The following HNRNPLL variants were observed in gnomAD, a reference collection of about 807,000 sequenced individuals.
The protein encoded by HNRNPLL is heterogeneous nuclear ribonucleoprotein L like.
In HNRNPLL, 25 loss-of-function variants were observed where a neutral mutation model predicts 67.1. That is an observed-to-expected ratio of 0.37 (90% CI 0.27 to 0.52). The LOEUF is 0.52. HNRNPLL is among the 20% of genes least tolerant of loss of function. The pLI, the probability that HNRNPLL is intolerant of heterozygous loss-of-function variation, is 0.90. For missense variants in HNRNPLL, 542 were observed against 673.9 expected (o/e 0.80, Z 2.17); for synonymous variants, 267 against 241.7 (o/e 1.10, Z -0.97).
chr2:38,566,498 A>G lies in HNRNPLL; in HGVS notation c.1573+1701T>C, dbSNP rs913494041. On this transcript the variant is annotated intron_variant, in intron 12 of 12. Transcript: ENST00000449105. ...CCAAATACCATTTTTCATCTATCATACTGGTAAAAATTGAATATCTGACAA... is the reference window on the plus strand; with the variant it reads ...CCAAATACCATTTTTCATCTATCATGCTGGTAAAAATTGAATATCTGACAA... Among the ~76,000 whole-genome samples the G allele has an allele frequency of 1.2e-4, 18 of 152,106 alleles. 1 individual carries two copies. The highest frequency in any genetic ancestry group is 4.3e-4 in the African/African-American group (18 of 41,416).
At chr2:38,577,813 C>A in intron 6 of HNRNPLL, 1 of 453,528 alleles carries the variant, frequency 2.2e-6, no homozygotes. Flanking sequence ...GGATACTTTT[C>A]AGAAAGTGAA....
chr2:38,565,158 C>T (rs943201231), intron 12 of HNRNPLL, among the ~76,000 whole-genome samples: 1 of 151,954 alleles, frequency 6.6e-6, no homozygotes, highest in African/African-American at 2.4e-5. Flanking sequence ...TAATGTATCA[C>T]AATTTTAGTA....
chr2:38,569,603 A>T (rs1665993016), intron 9 of HNRNPLL, among the ~76,000 whole-genome samples: 1 of 152,158 alleles, frequency 6.6e-6, no homozygotes, highest in Non-Finnish European at 1.5e-5. Flanking sequence ...TATCATCATA[A>T]AACTAAAAAG....
At chr2:38,584,813 A>G (rs1354738084) in intron 3 of HNRNPLL, among the ~76,000 whole-genome samples, 2 of 151,906 alleles carry the variant, frequency 1.3e-5, no homozygotes, top group Admixed American at 6.6e-5. Flanking sequence ...TTGAGCATCT[A>G]TAATTTACAC....
chr2:38,564,251 A>G lies in HNRNPLL; in HGVS notation c.1574-14T>C. On this transcript the variant is annotated splice_polypyrimidine_tract_variant and intron_variant, in intron 12 of 12. Transcript: ENST00000449105. ...GATTGGAACCATCTGTAAAAAGTAA[A>G]AAACAGTTAATATTTCACTTCATCA... 6.9e-7 allele frequency: 1 copy of G among 1,446,992 alleles called. No homozygotes were observed. 89.6% of individuals were successfully genotyped at this position (1,446,992 alleles called of 1,614,324 possible).
chr2:38,584,654 A>C (rs1447095397), intron 3 of HNRNPLL, among the ~76,000 whole-genome samples: 1 of 152,086 alleles, frequency 6.6e-6, no homozygotes, highest in Non-Finnish European at 1.5e-5. Flanking sequence ...TATTAGAACA[A>C]CTCTGGTACT....
Position 38,569,306 on chromosome 2 carries a change from T to C in HNRNPLL, c.1243A>G (p.Ser415Gly), listed in dbSNP as rs1558529872. ...CVSKQHSVVPSQIFELEDGTS... is the reference protein window; with the variant it reads ...CVSKQHSVVPGQIFELEDGTS... ...CCATCCTCCAGCTCAAATATTTGAC[T>C]TGGAACAACTGAATGTTGTTTAGAC... Residue 415 changes from serine to glycine, a missense_variant, in exon 10 of 13, where the codon AGT (serine) becomes GGT (glycine). This residue lies in a region of HNRNPLL where 415 missense variants were observed against 575.2 expected (regional missense o/e 0.72). Coordinates refer to ENST00000449105, the MANE Select transcript of HNRNPLL (RefSeq NM_138394.4). 1.2e-6 allele frequency: 2 copies of C among 1,612,462 alleles called. No individual in the cohort carries two copies. Among genetic ancestry groups the C allele is most frequent in the Non-Finnish European group, 1.7e-6 (2 of 1,179,100 alleles).
intron 2 of HNRNPLL, 151 bp from the exon 3 acceptor site, chr2:38,586,032 T>G (rs1472251266): frequency 6.3e-6 from 4 of 632,164 alleles, no homozygotes; most frequent in Non-Finnish European, 1.1e-5. Context: ...CAACTTTTTT[T>G]TTTTTTTGAG....
chr2:38,590,372 G>C (rs1476954831), intron 2 of HNRNPLL, among the ~76,000 whole-genome samples: 1 of 152,128 alleles, frequency 6.6e-6, no homozygotes, highest in Non-Finnish European at 1.5e-5. Flanking sequence ...AATTGAAGCA[G>C]TAAGGGTAAG....
At chr2:38,594,104 G>A (rs1409154239) in intron 1 of HNRNPLL, among the ~76,000 whole-genome samples, 6 of 152,012 alleles carry the variant, frequency 3.9e-5, no homozygotes, top group South Asian at 2.1e-4. Context: ...GAACCCAGGA[G>A]GCAGAGCTTG....
At chr2:38,587,571 C>A (rs904318902) in intron 2 of HNRNPLL, among the ~76,000 whole-genome samples, 2 of 152,130 alleles carry the variant, frequency 1.3e-5, no homozygotes, top group Non-Finnish European at 2.9e-5. Flanking sequence ...AGACGCTTCA[C>A]TGAAGTTCTA....
intron 3 of HNRNPLL, among the ~76,000 whole-genome samples, chr2:38,585,399 G>C (rs1328087448): frequency 6.6e-6 from 1 of 152,072 alleles, no homozygotes; most frequent in Non-Finnish European, 1.5e-5. Context: ...ATCAAAAACA[G>C]AACTGGTACT....
chr2:38,567,430 T>C lies in HNRNPLL; in HGVS notation c.1573+769A>G, dbSNP rs375986436. ...AGTGCCTAGCCAAGTTTTAAAAATA[T>C]ATGTAATTATATATACACACTAGGG... On this transcript the variant is annotated intron_variant, in intron 12 of 12. Transcript: ENST00000449105. 1.7e-3 allele frequency among the ~76,000 whole-genome samples: 265 copies of C among 152,250 alleles called. 8 individuals are homozygous for C. In the South Asian group the frequency reaches 0.047, roughly 27 times the overall value.
intron 7 of HNRNPLL, among the ~76,000 whole-genome samples, chr2:38,573,664 C>G (rs1173187495): frequency 5.3e-5 from 8 of 151,814 alleles, no homozygotes; most frequent in Non-Finnish European, 1.0e-4. Flanking sequence ...ATACACCAGG[C>G]TATAAGCTTA....
chr2:38,591,288 CTT>C (rs1666949293), intron 2 of HNRNPLL, among the ~76,000 whole-genome samples: 1 of 152,172 alleles, frequency 6.6e-6, no homozygotes. Context: ...CTTTATACAA[CTT>C]TGCTGGGGAG....
At chr2:38,577,966 C>T in intron 6 of HNRNPLL, 1 of 471,168 alleles carries the variant, frequency 2.1e-6, no homozygotes, top group Non-Finnish European at 4.4e-6. Flanking sequence ...TCAAAGTGGG[C>T]TTCTTTCAAG....
rs145534083 is a variant in HNRNPLL, at chr2:38,580,555, T to C, written c.802+1358A>G. ...TTTTGTATGCCATAAAATTTTTTTCTAGTTACTGACTTTTACAGACATACT... is the reference window on the plus strand; with the variant it reads ...TTTTGTATGCCATAAAATTTTTTTCCAGTTACTGACTTTTACAGACATACT... On this transcript the variant is annotated intron_variant, in intron 6 of 12. Transcript: ENST00000449105. Among the ~76,000 whole-genome samples the C allele has an allele frequency of 3.8e-3, 574 of 152,340 alleles. 3 individuals carry two copies. Among genetic ancestry groups the C allele is most frequent in the African/African-American group, 9.5e-3 (395 of 41,568 alleles).
intron 2 of HNRNPLL, among the ~76,000 whole-genome samples, chr2:38,586,235 A>G (rs1198720594): frequency 6.6e-6 from 1 of 152,076 alleles, no homozygotes; most frequent in Non-Finnish European, 1.5e-5. Flanking sequence ...GTTAGCCAGG[A>G]TGGTCTCGAT....
intron 4 of HNRNPLL, 85 bp from the exon 5 acceptor site, chr2:38,582,253 G>GC: frequency 1.2e-6 from 1 of 855,846 alleles, no homozygotes; most frequent in Non-Finnish European, 2.0e-6. Flanking sequence ...AAAATAATCA[G>GC]AAGTAGCTCT....
Sources: allele counts gnomAD v4.1 joint callset (sites outside exome capture counted in the v4.1 genomes callset), GRCh38; gene constraint gnomAD v4.1.1; regional missense constraint gnomAD v4.1.1; transcripts MANE v1.5; gene names NCBI Gene and HGNC (gene_info 2026-07-23, HGNC 2026-07-21).